Variants in DARS1 observed in about 807,000 individuals in gnomAD.
DARS1 encodes the protein aspartyl-tRNA synthetase 1.
Under a neutral mutation model 68.8 loss-of-function variants are expected in DARS1, and 51 were observed. The observed-to-expected ratio is 0.74, with a 90% confidence interval of 0.59 to 0.94. DARS1 has a LOEUF of 0.94. Among genes scored for constraint, DARS1 ranks in the 40% least tolerant of loss-of-function variants. DARS1 has a pLI of 0.00. For synonymous variants in DARS1, 203 were observed against 190.4 expected, an observed-to-expected ratio of 1.07 and a Z score of -0.55; for missense variants, 607 against 597.3, an observed-to-expected ratio of 1.02 and a Z score of -0.17.
intron 5 of DARS1, among the ~76,000 whole-genome samples, chr2:135,938,740 A>G (rs1379645126): frequency 6.6e-6 from 1 of 152,210 alleles, no homozygotes; most frequent in African/African-American, 2.4e-5. Context: ...GTCAAGACCC[A>G]TCAGTGTGCT....
chr2:135,928,000 G>GTAAGGGT (rs1224261558), intron 7 of DARS1, among the ~76,000 whole-genome samples: 1 of 152,154 alleles, frequency 6.6e-6, no homozygotes, highest in Non-Finnish European at 1.5e-5. Context: ...AAGAGAGGCA[G>GTAAGGGT]GTACATGGAG....
intron 3 of DARS1, among the ~76,000 whole-genome samples, chr2:135,978,515 G>A (rs568575100): frequency 6.6e-6 from 1 of 152,314 alleles, no homozygotes; most frequent in East Asian, 1.9e-4. Flanking sequence ...ATGATCAAAT[G>A]TGAAAAAGTA....
chr2:135,983,557 AG>A (rs1682688814), intron 1 of DARS1, 103 bp from the exon 2 acceptor site: 1 of 561,986 alleles, frequency 1.8e-6, no homozygotes. Context: ...TTTAACTTTC[AG>A]GATCATTTTA....
At chr2:135,943,595 C>T in intron 4 of DARS1, 115 bp from the exon 5 acceptor site, 1 of 1,457,606 alleles carries the variant, frequency 6.9e-7, no homozygotes, top group East Asian at 2.3e-5. Flanking sequence ...CAGTAAGCCA[C>T]TTGAGATAAA....
At chr2:135,931,590 T>G (rs1003226764) in intron 7 of DARS1, among the ~76,000 whole-genome samples, 1 of 152,156 alleles carries the variant, frequency 6.6e-6, no homozygotes, top group East Asian at 1.9e-4. Flanking sequence ...AAGTTACTAA[T>G]GTACACAACA....
chr2:135,967,684 T>C (rs1408131426), intron 3 of DARS1, among the ~76,000 whole-genome samples: 2 of 152,170 alleles, frequency 1.3e-5, no homozygotes, highest in Non-Finnish European at 2.9e-5. Flanking sequence ...GAGACTCTTA[T>C]TTTTGCATTA....
chr2:135,934,972 G>A (rs1033955714), intron 5 of DARS1, among the ~76,000 whole-genome samples: 19 of 151,640 alleles, frequency 1.3e-4, no homozygotes, highest in East Asian at 4.0e-4. Context: ...TGTATTTTTC[G>A]TAGAGACAGC....
At chr2:135,982,184 T>C (rs1388314154) in intron 2 of DARS1, among the ~76,000 whole-genome samples, 1 of 152,090 alleles carries the variant, frequency 6.6e-6, no homozygotes, top group Non-Finnish European at 1.5e-5. Flanking sequence ...TGTCAAATAG[T>C]TAAGTAAGAC....
chr2:135,957,377 G>A (rs1161254779), intron 4 of DARS1, among the ~76,000 whole-genome samples: 2 of 151,954 alleles, frequency 1.3e-5, no homozygotes, highest in South Asian at 2.1e-4. Flanking sequence ...ACATGTGCCC[G>A]CCACCATGCC....
rs531203306 is a variant in DARS1 at position 135,915,666 on chromosome 2, C to A, written c.1106+560G>T. On this transcript the variant is annotated intron_variant, in intron 11 of 15. Coordinates refer to ENST00000264161, the MANE Select transcript of DARS1 (RefSeq NM_001349.4). ...AATTTAGATAATACTATACTAAATACTATATATAATATAGTATGTATGACA... is the reference window on the plus strand; with the variant it reads ...AATTTAGATAATACTATACTAAATAATATATATAATATAGTATGTATGACA... Among the ~76,000 whole-genome samples the A allele has an allele frequency of 7.2e-5, 11 of 152,042 alleles. No individual in the cohort carries two copies. In the East Asian group the frequency reaches 1.9e-3, roughly 27 times the overall value.
intron 10 of DARS1, among the ~76,000 whole-genome samples, chr2:135,918,923 A>G (rs986818458): frequency 2.6e-5 from 4 of 152,230 alleles, no homozygotes; most frequent in Admixed American, 2.6e-4. Context: ...ATATAAAAAG[A>G]AAAAGGCTGT....
intron 5 of DARS1, 23 bp from the exon 6 acceptor site, chr2:135,934,013 A>G (rs1470233030): frequency 2.5e-6 from 4 of 1,605,292 alleles, no homozygotes; most frequent in Non-Finnish European, 3.4e-6. Flanking sequence ...GATTACCAAA[A>G]ATAGTAGAAA....
intron 5 of DARS1, 147 bp downstream of exon 5, chr2:135,943,231 T>C (rs1251514905): frequency 1.7e-6 from 2 of 1,168,174 alleles, no homozygotes; most frequent in Non-Finnish European, 2.3e-6. Flanking sequence ...GGGTGATTTG[T>C]TATATAACAA....
intron 9 of DARS1, among the ~76,000 whole-genome samples, chr2:135,922,020 AAAGT>A (rs1379510000): frequency 6.6e-6 from 1 of 152,240 alleles, no homozygotes; most frequent in African/African-American, 2.4e-5. Context: ...AGTGTTAAAT[AAAGT>A]AACGCTGGCT....
intron 8 of DARS1, among the ~76,000 whole-genome samples, chr2:135,923,352 C>T (rs748877053): frequency 6.6e-6 from 1 of 152,080 alleles, no homozygotes; most frequent in Non-Finnish European, 1.5e-5. Context: ...TGCCGTGGCA[C>T]GATCTCGGCT....
chr2:135,957,235 T>C (rs1222202413), intron 4 of DARS1, among the ~76,000 whole-genome samples: 2 of 151,800 alleles, frequency 1.3e-5, no homozygotes, highest in African/African-American at 2.4e-5. Flanking sequence ...CTACTAATTT[T>C]TTTTTTTTTT....
chr2:135,958,315 A>T (rs1682021550), intron 4 of DARS1, among the ~76,000 whole-genome samples: 1 of 152,236 alleles, frequency 6.6e-6, no homozygotes. Flanking sequence ...ACTACTAGTG[A>T]TCTGCTGCCT....
rs76433055 is a variant in DARS1, at chr2:135,974,906, T to C, written c.217+4368A>G. Among the ~76,000 whole-genome samples the C allele has an allele frequency of 8.6e-3, 1,312 of 152,216 alleles. 16 individuals are homozygous for C. The highest frequency in any genetic ancestry group is 0.028 in the African/African-American group (1,157 of 41,532). On this transcript the variant is annotated intron_variant, in intron 3 of 15. Coordinates refer to ENST00000264161, the MANE Select transcript of DARS1 (RefSeq NM_001349.4). Reference sequence around the variant, plus strand: ...TAAAAGAAGTTCAAAATAGTTAACATATCAGGAAAAGAAGTTTAATCTAAC... The same window carrying C: ...TAAAAGAAGTTCAAAATAGTTAACACATCAGGAAAAGAAGTTTAATCTAAC...
rs182386464 is a variant in DARS1, at chr2:135,921,308, C to T, written c.812-708G>A. Reference sequence around the variant, plus strand: ...AAAAACCCTAAAACCTTTATGCTTTCGTAAGTTAATCCTAACCTATATTTC... The same window carrying T: ...AAAAACCCTAAAACCTTTATGCTTTTGTAAGTTAATCCTAACCTATATTTC... On this transcript the variant is annotated intron_variant, in intron 9 of 15. Transcript: ENST00000264161. 9.2e-4 allele frequency among the ~76,000 whole-genome samples: 140 copies of T among 151,880 alleles called. 1 individual carries two copies. Among genetic ancestry groups the T allele is most frequent in the Middle Eastern group, 6.8e-3 (2 of 294 alleles).
Sources: gnomAD v4.1 joint callset for allele counts (sites outside exome capture counted in the v4.1 genomes callset) on GRCh38, gnomAD v4.1.1 for gene constraint, MANE v1.5 for transcripts, NCBI Gene and HGNC (gene_info 2026-07-23, HGNC 2026-07-21) for gene names.